The following MAPKBP1 variants were observed in gnomAD, a reference collection of about 807,000 sequenced individuals.
The protein encoded by MAPKBP1 is mitogen-activated protein kinase binding protein 1, also known as mitogen-activated protein kinase-binding protein 1.
Under a neutral mutation model 170.5 loss-of-function variants are expected in MAPKBP1, and 71 were observed. The observed-to-expected ratio is 0.42, with a 90% CI of 0.34 to 0.51. The LOEUF (loss-of-function observed/expected upper bound fraction) is 0.51. MAPKBP1 is among the 20% of genes least tolerant of loss of function. MAPKBP1 has a pLI of 0.06. For synonymous variants in MAPKBP1, 719 were observed against 757.9 expected, an observed-to-expected ratio of 0.95 and a Z score of 0.84; for missense variants, 1,598 against 1,933.0, an observed-to-expected ratio of 0.83 and a Z score of 3.25.
chr15:41,779,578 C>CA (rs2064150835), intron 2 of MAPKBP1, among the ~76,000 whole-genome samples: 1 of 152,136 alleles, frequency 6.6e-6, no homozygotes, highest in East Asian at 1.9e-4. Context: ...CTTCTGGCCT[C>CA]AAGGGCTCCT....
intron 3 of MAPKBP1, among the ~76,000 whole-genome samples, chr15:41,802,192 A>C (rs1216322407): frequency 6.6e-6 from 1 of 152,222 alleles, no homozygotes; most frequent in African/African-American, 2.4e-5. Context: ...CACCTGTATA[A>C]GGCACTTACC....
chr15:41,793,181 T>C (rs1484573408), intron 2 of MAPKBP1, among the ~76,000 whole-genome samples: 1 of 152,212 alleles, frequency 6.6e-6, no homozygotes, highest in Admixed American at 6.5e-5. Context: ...AATAAAGTTA[T>C]ATTTAATAAG....
intron 27 of MAPKBP1, 97 bp downstream of exon 27, chr15:41,822,774 G>C: frequency 6.7e-6 from 10 of 1,500,826 alleles, no homozygotes; most frequent in South Asian, 2.3e-5. Context: ...CTCCATGCGC[G>C]GGGTGTTTTG....
chr15:41,792,889 T>A (rs757993083), intron 2 of MAPKBP1, among the ~76,000 whole-genome samples: 1 of 152,110 alleles, frequency 6.6e-6, no homozygotes, highest in Admixed American at 6.5e-5. Context: ...TGTGGAAAGA[T>A]GCTGTAGTAT....
At chr15:41,790,186 G>T (rs1396605530) in intron 2 of MAPKBP1, among the ~76,000 whole-genome samples, 1 of 152,088 alleles carries the variant, frequency 6.6e-6, no homozygotes, top group African/African-American at 2.4e-5. Flanking sequence ...TTGTACCCCC[G>T]GTGCGTTCTT....
intron 6 of MAPKBP1, 36 bp from the exon 7 acceptor site, chr15:41,812,480 A>T: frequency 1.2e-6 from 2 of 1,614,048 alleles, no homozygotes; most frequent in Non-Finnish European, 1.7e-6. Context: ...GCTCCAAGAG[A>T]CAGAGCCTTG....
chr15:41,788,132 A>G (rs1437575774), intron 2 of MAPKBP1, among the ~76,000 whole-genome samples: 2 of 151,912 alleles, frequency 1.3e-5, no homozygotes, highest in Non-Finnish European at 2.9e-5. Context: ...TAATTTTTGT[A>G]TTCTTATTAG....
intron 29 of MAPKBP1, 117 bp downstream of exon 29, chr15:41,824,178 G>A: frequency 1.5e-6 from 2 of 1,373,700 alleles, no homozygotes; most frequent in Non-Finnish European, 2.0e-6. Context: ...TTCTTGTCCT[G>A]TCTGCTCCTG....
At chr15:41,809,555 G>A (rs923112040) in intron 3 of MAPKBP1, among the ~76,000 whole-genome samples, 4 of 152,226 alleles carry the variant, frequency 2.6e-5, no homozygotes, top group Non-Finnish European at 4.4e-5. Flanking sequence ...GGGGGAAGTA[G>A]CTGTCTCCTC....
intron 22 of MAPKBP1, among the ~76,000 whole-genome samples, 165 bp from the exon 23 acceptor site, chr15:41,820,666 TC>T (rs111922844): frequency 1.4e-4 from 22 of 152,278 alleles, no homozygotes; most frequent in African/African-American, 5.3e-4. Flanking sequence ...AGTCTCCTCA[TC>T]TGTAAAACAA....
intron 8 of MAPKBP1, 190 bp from the exon 9 acceptor site, chr15:41,813,431 T>C (rs2064838187): frequency 6.8e-7 from 1 of 1,461,806 alleles, no homozygotes; most frequent in East Asian, 2.3e-5. Flanking sequence ...CTCTGGTGCC[T>C]AGAAGAATCC....
At chr15:41,822,525 C>G (rs2152084286) in intron 26 of MAPKBP1, 68 bp from the exon 27 acceptor site, 3 of 1,606,742 alleles carry the variant, frequency 1.9e-6, no homozygotes, top group East Asian at 2.2e-5. Context: ...CTGGGGGTCT[C>G]AAGGAGGCAA....
chr15:41,774,692 T>G (rs994673153), intron 1 of MAPKBP1, 82 bp downstream of exon 1: 2 of 398,816 alleles, frequency 5.0e-6, no homozygotes, highest in Non-Finnish European at 8.8e-6. Flanking sequence ...AGAGCCGCTG[T>G]GGAGGGCGGA....
At chr15:41,813,212 C>T in intron 8 of MAPKBP1, 111 bp downstream of exon 8, 1 of 1,524,106 alleles carries the variant, frequency 6.6e-7, no homozygotes, top group East Asian at 2.2e-5. Flanking sequence ...CGGGAGATCC[C>T]AGGAGAACGA....
chr15:41,795,549 G>A (rs1045909059), intron 2 of MAPKBP1, among the ~76,000 whole-genome samples: 8 of 151,870 alleles, frequency 5.3e-5, no homozygotes, highest in African/African-American at 1.7e-4. Flanking sequence ...CATTTGGAGG[G>A]TTTTGGGCAA....
At chr15:41,789,490 T>G (rs1189341984) in intron 2 of MAPKBP1, among the ~76,000 whole-genome samples, 1 of 152,214 alleles carries the variant, frequency 6.6e-6, no homozygotes, top group Non-Finnish European at 1.5e-5. Context: ...AACTGGGTCC[T>G]TCATTCCCTC....
Position 41,823,503 on chromosome 15 carries a change from A to G in MAPKBP1, c.3655A>G (p.Ile1219Val). 1 of 1,613,958 alleles carries G rather than the reference A, an allele frequency of 6.2e-7. No individual in the cohort carries two copies. The highest frequency in any genetic ancestry group is 8.5e-7 in the Non-Finnish European group (1 of 1,179,988). ...PSPGALLSRE[I>V]EAQDGLGSLP... ...ACCAGGCGCACTGCTGTCTCGGGAG[A>G]TCGAAGCTCAGGATGGTCTGGGCTC... The change falls in exon 29 of 31, where the codon ATC (isoleucine) becomes GTC (valine). Residue 1219 changes from isoleucine to valine, a missense_variant. By Grantham distance (29) the Ile-to-Val change is conservative (BLOSUM62 3). Transcript: ENST00000457542.
intron 29 of MAPKBP1, 103 bp downstream of exon 29, chr15:41,824,164 G>A (rs1241209596): frequency 6.9e-7 from 1 of 1,454,900 alleles, no homozygotes; most frequent in Non-Finnish European, 9.2e-7. Context: ...ACAGCTTCTG[G>A]TGTTTCTTGT....
chr15:41,789,155 A>C (rs2064349885), intron 2 of MAPKBP1, among the ~76,000 whole-genome samples: 1 of 152,210 alleles, frequency 6.6e-6, no homozygotes, highest in African/African-American at 2.4e-5. Context: ...ACTGGTTACA[A>C]AATAGAAAAG....
Sources: gnomAD v4.1 joint callset for allele counts (sites outside exome capture counted in the v4.1 genomes callset) on GRCh38, gnomAD v4.1.1 for gene constraint, MANE v1.5 for transcripts, NCBI Gene and HGNC (gene_info 2026-07-23, HGNC 2026-07-21) for gene names.